Variants in TENM3 observed in about 807,000 individuals in gnomAD.
TENM3 encodes teneurin-3.
In TENM3, 63 loss-of-function variants were observed where a neutral mutation model predicts 255.1. That is an observed-to-expected ratio of 0.25 (90% CI 0.20 to 0.30). TENM3 has a LOEUF of 0.30. Among genes scored for constraint, TENM3 ranks in the 10% least tolerant of loss-of-function variants. The pLI, the probability that TENM3 is intolerant of heterozygous loss-of-function variation, is 1.00. For missense variants in TENM3, 2,929 were observed against 3,461.1 expected, an observed-to-expected ratio of 0.85 and a Z score of 3.86; for synonymous variants, 1,306 against 1,322.3, an observed-to-expected ratio of 0.99 and a Z score of 0.27.
the TENM3 span, among the ~76,000 whole-genome samples, chr4:182,046,187 A>C: frequency 3.3e-5 from 5 of 152,186 alleles, no homozygotes; most frequent in African/African-American, 1.2e-4. Context: ...TGCTACATGA[A>C]GTGCCATTTT....
the TENM3 span, among the ~76,000 whole-genome samples, chr4:181,823,914 T>A: frequency 3.3e-5 from 5 of 152,216 alleles, no homozygotes; most frequent in East Asian, 9.7e-4. Context: ...ATGCCCTTGA[T>A]TGTGCACAAA....
At chr4:182,162,973 A>T (rs1751457515) in intron 1 of TENM3, among the ~76,000 whole-genome samples, 1 of 152,146 alleles carries the variant, frequency 6.6e-6, no homozygotes, top group Non-Finnish European at 1.5e-5. Flanking sequence ...CTCAGGCCTG[A>T]GGAGCAAAGC....
At chr4:182,726,579 C>A (rs1693451976) in intron 13 of TENM3, among the ~76,000 whole-genome samples, 2 of 152,146 alleles carry the variant, frequency 1.3e-5, no homozygotes, top group Admixed American at 1.3e-4. Context: ...CATGTTAGGT[C>A]ACCTGTACAT....
intron 4 of TENM3, among the ~76,000 whole-genome samples, chr4:182,617,430 C>CATTT (rs1749645732): frequency 6.6e-6 from 1 of 152,166 alleles, no homozygotes; most frequent in Non-Finnish European, 1.5e-5. Context: ...TTTCCAGGTA[C>CATTT]ATTTAATCCA....
At chr4:181,855,974 AAG>A in the TENM3 span, among the ~76,000 whole-genome samples, 4 of 146,276 alleles carry the variant, frequency 2.7e-5, no homozygotes, top group African/African-American at 7.7e-5. Flanking sequence ...GAGGAAGGAA[AAG>A]AGGGAGGAAA....
the TENM3 span, among the ~76,000 whole-genome samples, chr4:181,991,179 C>T: frequency 6.6e-6 from 1 of 152,094 alleles, no homozygotes; most frequent in African/African-American, 2.4e-5. Context: ...TATGTTTTCA[C>T]TTAGGAAGAA....
intron 1 of TENM3, among the ~76,000 whole-genome samples, chr4:182,174,533 A>C (rs200720053): frequency 3.2e-4 from 34 of 106,456 alleles, no homozygotes; most frequent in East Asian, 1.0e-3. Context: ...CACACACACA[A>C]ACACACACTT....
chr4:181,592,993 A>G, the TENM3 span, among the ~76,000 whole-genome samples: 51,603 of 152,058 alleles, frequency 0.34, 10,037 homozygotes, highest in Non-Finnish European at 0.42. Context: ...CCTCCTCCTC[A>G]TATGACAAAG....
chr4:181,642,249 G>A, the TENM3 span, among the ~76,000 whole-genome samples: 1 of 151,780 alleles, frequency 6.6e-6, no homozygotes, highest in Admixed American at 6.6e-5. Context: ...TCATATGTTT[G>A]TTGCCTGCAT....
the TENM3 span, among the ~76,000 whole-genome samples, chr4:181,998,945 G>A: frequency 3.3e-5 from 5 of 152,246 alleles, no homozygotes; most frequent in Admixed American, 3.3e-4. Context: ...TTTTTCAGAT[G>A]TAAAATGGTC....
At chr4:182,153,161 T>C (rs1750462435) in intron 1 of TENM3, among the ~76,000 whole-genome samples, 1 of 151,926 alleles carries the variant, frequency 6.6e-6, no homozygotes, top group Admixed American at 6.6e-5. Context: ...CTAACTGAAG[T>C]CTGTTTAAAG....
At chr4:182,003,237 G>A in the TENM3 span, among the ~76,000 whole-genome samples, 2 of 151,970 alleles carry the variant, frequency 1.3e-5, no homozygotes, top group Admixed American at 6.6e-5. Context: ...CATCTTCTCA[G>A]AATTCTTGGA....
the TENM3 span, among the ~76,000 whole-genome samples, chr4:181,743,320 C>T: frequency 6.6e-6 from 1 of 152,248 alleles, no homozygotes; most frequent in African/African-American, 2.4e-5. Flanking sequence ...TATTTCTCCA[C>T]ATCCTCTCCA....
the TENM3 span, among the ~76,000 whole-genome samples, chr4:181,530,966 T>G: frequency 6.6e-6 from 1 of 152,206 alleles, no homozygotes; most frequent in East Asian, 1.9e-4. Flanking sequence ...CTTCCTTTTT[T>G]TTAATGTCAG....
intron 3 of TENM3, among the ~76,000 whole-genome samples, chr4:182,542,706 A>G (rs1741008050): frequency 6.6e-6 from 1 of 152,136 alleles, no homozygotes; most frequent in Admixed American, 6.5e-5. Context: ...CAAGTTTCGG[A>G]TTCACCTTGT....
chr4:182,196,513 G>T (rs2149807996), intron 1 of TENM3, among the ~76,000 whole-genome samples: 1 of 152,232 alleles, frequency 6.6e-6, no homozygotes, highest in Non-Finnish European at 1.5e-5. Context: ...GTGGCAGGAG[G>T]TAAGCCTGGC....
chr4:181,784,841 A>G, the TENM3 span, among the ~76,000 whole-genome samples: 1 of 152,130 alleles, frequency 6.6e-6, no homozygotes, highest in Non-Finnish European at 1.5e-5. Context: ...CTTACTGTTG[A>G]GTGTAAAGGG....
chr4:181,530,625 C>G, the TENM3 span, among the ~76,000 whole-genome samples: 4 of 152,152 alleles, frequency 2.6e-5, no homozygotes, highest in South Asian at 8.3e-4. Flanking sequence ...TTAAGGGGAC[C>G]CTCAGTGCAT....
At chr4:182,184,546 G>A (rs1753028164) in intron 1 of TENM3, among the ~76,000 whole-genome samples, 1 of 140,424 alleles carries the variant, frequency 7.1e-6, no homozygotes, top group Non-Finnish European at 1.5e-5. Context: ...TTGCTTTAAT[G>A]TGAATTTTTA....
Sources: allele counts gnomAD v4.1 joint callset (sites outside exome capture counted in the v4.1 genomes callset), GRCh38; gene constraint gnomAD v4.1.1; transcripts MANE v1.5; gene names NCBI Gene and HGNC (gene_info 2026-07-23, HGNC 2026-07-21).